FIGN: variants seen among roughly 807,000 people sequenced by gnomAD.
FIGN encodes the protein fidgetin, microtubule severing factor.
In FIGN, 11 loss-of-function variants were observed where a neutral mutation model predicts 51.3. That is an observed-to-expected ratio of 0.21 (90% CI 0.13 to 0.35). The LOEUF is 0.35. FIGN is among the 10% of genes least tolerant of loss of function. FIGN has a pLI of 1.00. For missense variants in FIGN, 857 were observed against 943.6 expected (o/e 0.91, Z 1.20); for synonymous variants, 407 against 363.2 (o/e 1.12, Z -1.37).
intron 2 of FIGN, among the ~76,000 whole-genome samples, chr2:163,679,482 C>T (rs1002139867): frequency 2.1e-5 from 3 of 144,146 alleles, no homozygotes; most frequent in African/African-American, 5.4e-5. Flanking sequence ...GGCGACACTG[C>T]GAGACTCCGT....
rs369425893 is a variant in FIGN, at chr2:163,624,568, G to C, written c.26-12762C>G. Among the ~76,000 whole-genome samples the C allele has an allele frequency of 9.2e-5, 14 of 151,694 alleles. No homozygotes were observed. The East Asian group carries it at 2.7e-3, about 29-fold the overall frequency. ...CAGTGTGTAAATTGGATGATGACTTGGACAATTCTCTCTTCATTAGTGAGC... is the reference window on the plus strand; with the variant it reads ...CAGTGTGTAAATTGGATGATGACTTCGACAATTCTCTCTTCATTAGTGAGC... On this transcript the variant is annotated intron_variant, in intron 2 of 2. Coordinates refer to ENST00000333129, the MANE Select transcript of FIGN (RefSeq NM_018086.4).
chr2:163,660,875 A>ATTT lies in FIGN; in HGVS notation c.26-49070_26-49069insAAA. On this transcript the variant is annotated intron_variant, in intron 2 of 2. Transcript: ENST00000333129. ...TATGTATACATATATATATATATATATATATTTTTTTTTTTTTTTTTTTTT... is the reference window on the plus strand; with the variant it reads ...TATGTATACATATATATATATATATATTTTATATTTTTTTTTTTTTTTTTTTTT... 7.6e-5 allele frequency among the ~76,000 whole-genome samples: 2 copies of ATTT among 26,396 alleles called. 1 individual carries two copies. The highest frequency in any genetic ancestry group is 3.2e-4 in the African/African-American group (2 of 6,320). The allele number at this position is 26,396 out of a possible 152,430, so 17.3% of individuals were successfully genotyped here. A position where few individuals can be genotyped will look rare whatever the true frequency, so the allele number is the denominator to read the frequency against.
In FIGN at chr2:163,611,558, A is replaced by G. The variant is rs1331398269; in HGVS notation, c.274T>C (p.Ser92Pro). 6.2e-7 allele frequency: 1 copy of G among 1,614,224 alleles called. No individual in the cohort carries two copies. Among genetic ancestry groups the G allele is most frequent in the Non-Finnish European group, 8.5e-7 (1 of 1,180,028 alleles). The change falls in exon 3 of 3, where the codon TCG becomes CCG. Residue 92 changes from serine (S) to proline (P), a missense_variant. Physicochemically the swap from Ser to Pro is moderately conservative, Grantham distance 74 (BLOSUM62 -1). Transcript: ENST00000333129. ...PVDRPVLSNY[S>P]DTPSGLVNGR... ...TTCACTAGTCCTGATGGTGTGTCCG[A>G]ATAGTTGCTGAGTACGGGTCGGTCC...
chr2:163,657,807 C>T (rs1218189477), intron 2 of FIGN, among the ~76,000 whole-genome samples: 3 of 151,972 alleles, frequency 2.0e-5, no homozygotes, highest in African/African-American at 4.8e-5. Context: ...TGGTATAGTG[C>T]ACAATGTATT....
intron 2 of FIGN, among the ~76,000 whole-genome samples, chr2:163,612,046 A>G (rs184485541): frequency 9.1e-4 from 138 of 152,298 alleles, no homozygotes; most frequent in African/African-American, 3.1e-3. Flanking sequence ...GTAGTTACCT[A>G]TATTTTTTGC....
In FIGN at chr2:163,722,878, T is replaced by A. The variant is rs538553659; in HGVS notation, c.25+12025A>T. Among the ~76,000 whole-genome samples the A allele has an allele frequency of 2.1e-4, 32 of 152,102 alleles. No individual in the cohort carries two copies. In the South Asian group the frequency reaches 3.5e-3, roughly 17 times the overall value. ...ATTTAAAAATCATCTTTTAATTTTT[T>A]AAAATAAGATTAATAAAATATTAAC... On this transcript the variant is annotated intron_variant, in intron 2 of 2. Coordinates refer to ENST00000333129, the MANE Select transcript of FIGN (RefSeq NM_018086.4).
intron 2 of FIGN, among the ~76,000 whole-genome samples, chr2:163,711,848 G>T (rs1460306291): frequency 2.0e-5 from 3 of 152,124 alleles, no homozygotes; most frequent in Non-Finnish European, 4.4e-5. Flanking sequence ...TTTAGAAAAA[G>T]ATATTAATCT....
At chr2:163,725,359 C>A (rs557413493) in intron 2 of FIGN, among the ~76,000 whole-genome samples, 2 of 151,902 alleles carry the variant, frequency 1.3e-5, no homozygotes, top group Non-Finnish European at 2.9e-5. Flanking sequence ...GGTGAGTATG[C>A]CAATAGCAAA....
intron 2 of FIGN, among the ~76,000 whole-genome samples, chr2:163,677,934 A>G (rs1307600574): frequency 1.3e-5 from 2 of 152,182 alleles, no homozygotes; most frequent in Non-Finnish European, 2.9e-5. Flanking sequence ...GGTTGTGTGG[A>G]AGAGGAGGAA....
At chr2:163,698,125 T>G (rs1052921796) in intron 2 of FIGN, among the ~76,000 whole-genome samples, 1 of 152,130 alleles carries the variant, frequency 6.6e-6, no homozygotes, top group Non-Finnish European at 1.5e-5. Context: ...AAGCAGCTTA[T>G]TTAACCTCCT....
At chr2:163,733,561 A>T (rs1332028099) in intron 2 of FIGN, among the ~76,000 whole-genome samples, 3 of 152,116 alleles carry the variant, frequency 2.0e-5, no homozygotes, top group African/African-American at 7.2e-5. Context: ...GCTCCGGGGG[A>T]AAAAAAGCTG....
In FIGN at chr2:163,603,324, T is replaced by C. The variant is rs1691014973; in HGVS notation, c.*6228A>G. ...TGTACTATATAGGGCTTTTCTTCTT[T>C]CAAGGGGTCAAAATCTGGTCAAATC... On this transcript the variant is annotated 3_prime_UTR_variant, in exon 3 of 3. Transcript: ENST00000333129. The C allele has an allele frequency of 6.6e-6, 1 of 152,138 alleles. No homozygotes were observed. The highest frequency in any genetic ancestry group is 6.6e-5 in the Admixed American group (1 of 15,250). 9.4% of individuals were successfully genotyped at this position (152,138 alleles called of 1,614,324 possible).
chr2:163,666,729 A>G (rs947508432), intron 2 of FIGN, among the ~76,000 whole-genome samples: 1 of 152,100 alleles, frequency 6.6e-6, no homozygotes, highest in Non-Finnish European at 1.5e-5. Context: ...TTCTAATCCA[A>G]CTCTGGTATC....
At chr2:163,727,138 A>G (rs1684850396) in intron 2 of FIGN, among the ~76,000 whole-genome samples, 1 of 152,126 alleles carries the variant, frequency 6.6e-6, no homozygotes, top group South Asian at 2.1e-4. Flanking sequence ...GAAAAATAAA[A>G]AAGCTCTTTT....
chr2:163,613,519 C>T (rs1225210930), intron 2 of FIGN, among the ~76,000 whole-genome samples: 2 of 152,122 alleles, frequency 1.3e-5, no homozygotes, highest in African/African-American at 2.4e-5. Context: ...CTGAACATAA[C>T]ACACAGTTTG....
intron 2 of FIGN, among the ~76,000 whole-genome samples, chr2:163,675,706 C>CTTTTTTTTTTTTTTTTTTTT (rs900840520): frequency 5.0e-5 from 5 of 100,494 alleles, no homozygotes; most frequent in South Asian, 3.4e-4. Context: ...TTCTTTCTTT[C>CTTTTTTTTTTTTTTTTTTTT]TTTTTTTTTT....
At chr2:163,633,167 G>A (rs1047742202) in intron 2 of FIGN, among the ~76,000 whole-genome samples, 1 of 152,034 alleles carries the variant, frequency 6.6e-6, no homozygotes, top group Admixed American at 6.6e-5. Flanking sequence ...CTGAGCAACA[G>A]AATGAGACCC....
intron 2 of FIGN, among the ~76,000 whole-genome samples, chr2:163,647,091 A>G (rs1200973983): frequency 2.0e-5 from 3 of 152,228 alleles, no homozygotes; most frequent in African/African-American, 7.2e-5. Flanking sequence ...GCATAAGCCA[A>G]TTTCCCAAAG....
chr2:163,661,977 G>A (rs2105328283), intron 2 of FIGN, among the ~76,000 whole-genome samples: 1 of 152,298 alleles, frequency 6.6e-6, no homozygotes, highest in African/African-American at 2.4e-5. Flanking sequence ...AGTAGAGTGA[G>A]ACATTGCTTA....
Sources: gnomAD v4.1 joint callset for allele counts (sites outside exome capture counted in the v4.1 genomes callset) on GRCh38, gnomAD v4.1.1 for gene constraint, MANE v1.5 for transcripts, NCBI Gene and HGNC (gene_info 2026-07-23, HGNC 2026-07-21) for gene names.